The following ROBO2 variants were observed in gnomAD, a reference collection of about 807,000 sequenced individuals.
ROBO2 encodes the protein roundabout homolog 2.
A neutral mutation model predicts 160.8 loss-of-function variants in ROBO2; 53 were observed. The observed-to-expected ratio is 0.33, with a 90% CI of 0.26 to 0.41. The LOEUF is 0.41. ROBO2 is among the 10% of genes least tolerant of loss of function. The probability of loss-of-function intolerance (pLI) is 1.00; values close to 1 mark genes in which losing one functional copy is unlikely to be tolerated. For missense variants in ROBO2, 1,577 were observed against 1,722.4 expected (o/e 0.92, Z 1.49); for synonymous variants, 664 against 611.7 (o/e 1.09, Z -1.26).
chr3:76,132,953 T>G (rs1025930793), intron 2 of ROBO2, among the ~76,000 whole-genome samples: 2 of 152,146 alleles, frequency 1.3e-5, no homozygotes, highest in Non-Finnish European at 2.9e-5. Context: ...CCTTGGACTG[T>G]CTTGGCCTCT....
At chr3:77,440,976 C>A (rs2079861438) in intron 2 of ROBO2, among the ~76,000 whole-genome samples, 3 of 152,020 alleles carry the variant, frequency 2.0e-5, no homozygotes, top group Admixed American at 2.0e-4. Context: ...TCTTTTCTTG[C>A]CCTAATTCTG....
intron 2 of ROBO2, among the ~76,000 whole-genome samples, chr3:76,248,359 G>A (rs1367819234): frequency 6.6e-6 from 1 of 151,688 alleles, no homozygotes; most frequent in Non-Finnish European, 1.5e-5. Context: ...GATGAAATTG[G>A]AAATCATCAT....
At chr3:76,749,568 C>A (rs2093946778) in intron 2 of ROBO2, among the ~76,000 whole-genome samples, 1 of 151,876 alleles carries the variant, frequency 6.6e-6, no homozygotes, top group Non-Finnish European at 1.5e-5. Flanking sequence ...AGAGGTGGGC[C>A]TTCCAGGAAG....
rs1258246936 is a variant in ROBO2, at chr3:77,588,758, C to T, written c.2508C>T (p.Arg836=). 5 of 1,612,978 alleles carry T rather than the reference C, an allele frequency of 3.1e-6. No homozygotes were observed. In the East Asian group the frequency reaches 1.1e-4, roughly 36 times the overall value. The stretch of plus-strand genomic sequence containing the variant: ...CTATGGTTTTTTCCATAGGGAGACG[C>T]AATGAAGTTGTCATTACTGAAAACA... The change falls in exon 17 of 26, where the codon CGC becomes CGT. Residue 836 remains arginine (R), a synonymous_variant. Coordinates refer to ENST00000461745, the Ensembl canonical transcript of ROBO2.
At position 77,293,795 on chromosome 3, in the gene ROBO2, T is replaced by C. The variant is rs866465886; in HGVS notation, c.389-183619T>C. Among the ~76,000 whole-genome samples the C allele has an allele frequency of 6.8e-3, 817 of 120,326 alleles. 3 individuals carry two copies. The highest frequency in any genetic ancestry group is 0.03 in the African/African-American group (767 of 25,236). 78.9% of individuals were successfully genotyped at this position (120,326 alleles called of 152,430 possible). A position where few individuals can be genotyped will look rare whatever the true frequency, so the allele number is the denominator to read the frequency against. ...GTAAAATTGATGGTTAAACGGGAAG[T>C]TGAGGCTAGAACAGTAAAGACATAA... is the stretch of plus-strand genomic sequence containing the variant. On this transcript the variant is annotated intron_variant, in intron 2 of 25. Transcript: ENST00000461745.
intron 2 of ROBO2, among the ~76,000 whole-genome samples, chr3:76,204,916 G>T (rs1165813146): frequency 6.6e-6 from 1 of 152,110 alleles, no homozygotes; most frequent in African/African-American, 2.4e-5. Context: ...TGGGGGATAT[G>T]GACATTCTAT....
chr3:76,589,460 C>A (rs573163821), intron 2 of ROBO2, among the ~76,000 whole-genome samples: 2 of 152,060 alleles, frequency 1.3e-5, no homozygotes, highest in Admixed American at 1.3e-4. Context: ...CCACCACGCC[C>A]GGCTAATTTT....
chr3:76,416,859 T>C (rs2075778768), intron 2 of ROBO2, among the ~76,000 whole-genome samples: 1 of 152,208 alleles, frequency 6.6e-6, no homozygotes, highest in African/African-American at 2.4e-5. Context: ...GTTCGAGTTA[T>C]CAGTTTCTAC....
At chr3:76,129,973 A>G (rs2071162445) in intron 2 of ROBO2, among the ~76,000 whole-genome samples, 2 of 150,050 alleles carry the variant, frequency 1.3e-5, no homozygotes, top group South Asian at 4.1e-4. Context: ...ACTAAAAGAA[A>G]GTTAATAAAA....
intron 2 of ROBO2, among the ~76,000 whole-genome samples, chr3:76,703,566 A>G (rs907289282): frequency 6.6e-6 from 1 of 150,710 alleles, no homozygotes; most frequent in Non-Finnish European, 1.5e-5. Context: ...CCCTGTGTCC[A>G]TGTGTTCTCA....
intron 2 of ROBO2, among the ~76,000 whole-genome samples, chr3:77,460,670 G>A (rs1321162500): frequency 6.6e-6 from 1 of 152,074 alleles, no homozygotes; most frequent in Non-Finnish European, 1.5e-5. Flanking sequence ...TGCTTTCGTG[G>A]TAATGATTTC....
At chr3:76,577,218 T>C (rs1336602393) in intron 2 of ROBO2, among the ~76,000 whole-genome samples, 1 of 152,070 alleles carries the variant, frequency 6.6e-6, no homozygotes, top group Non-Finnish European at 1.5e-5. Flanking sequence ...ATGTAAAAAC[T>C]ACATATCTCA....
chr3:76,227,464 T>A (rs1290284520), intron 2 of ROBO2, among the ~76,000 whole-genome samples: 1 of 152,230 alleles, frequency 6.6e-6, no homozygotes, highest in Non-Finnish European at 1.5e-5. Context: ...CTCAAATAAA[T>A]CTTACGATAG....
chr3:76,063,337 T>G (rs1576694744), intron 2 of ROBO2, among the ~76,000 whole-genome samples: 1 of 146,404 alleles, frequency 6.8e-6, no homozygotes, highest in Non-Finnish European at 1.5e-5. Flanking sequence ...TATGCTGCCC[T>G]CCTCCCTTTT....
At chr3:77,401,263 T>TAA (rs5850329) in intron 2 of ROBO2, among the ~76,000 whole-genome samples, 16,052 of 147,556 alleles carry the variant, frequency 0.11, 935 homozygotes, top group South Asian at 0.15. Flanking sequence ...TGTTTGTATT[T>TAA]AAAAAAAAAA....
At chr3:76,407,002 T>TG (rs1351270636) in intron 2 of ROBO2, among the ~76,000 whole-genome samples, 2 of 151,444 alleles carry the variant, frequency 1.3e-5, no homozygotes, top group East Asian at 1.9e-4. Flanking sequence ...GAGTTGTTTT[T>TG]TTTTTTTTTT....
chr3:76,052,686 A>G (rs906684005), intron 2 of ROBO2, among the ~76,000 whole-genome samples: 7 of 152,038 alleles, frequency 4.6e-5, no homozygotes, highest in Admixed American at 2.6e-4. Flanking sequence ...ATGTCTTTTT[A>G]TAGCAGATTT....
chr3:77,196,538 T>C (rs1238369249), intron 2 of ROBO2, among the ~76,000 whole-genome samples: 3 of 152,094 alleles, frequency 2.0e-5, no homozygotes, highest in Non-Finnish European at 4.4e-5. Flanking sequence ...AACAAATAGT[T>C]ATGTTTTGCT....
chr3:76,831,700 A>G (rs1177553921), intron 2 of ROBO2, among the ~76,000 whole-genome samples: 1 of 152,202 alleles, frequency 6.6e-6, no homozygotes, highest in Non-Finnish European at 1.5e-5. Context: ...AAATAGCAAA[A>G]CTAAGACAAA....
Sources: allele counts gnomAD v4.1 joint callset (sites outside exome capture counted in the v4.1 genomes callset), GRCh38; gene constraint gnomAD v4.1.1; transcripts MANE v1.5; gene names NCBI Gene and HGNC (gene_info 2026-07-23, HGNC 2026-07-21).